Variants in IPO9 observed in about 807,000 individuals in gnomAD.
IPO9 encodes the protein importin-9.
A neutral mutation model predicts 128.6 loss-of-function variants in IPO9; 28 were observed. The observed-to-expected ratio is 0.22, with a 90% CI of 0.16 to 0.30. The LOEUF is 0.30. Ranked by LOEUF, IPO9 falls within the 10% of genes least tolerant of loss-of-function variation. The pLI, the probability that IPO9 is intolerant of heterozygous loss-of-function variation, is 1.00. For missense variants in IPO9, 935 were observed against 1,293.9 expected (o/e 0.72, Z 4.26); for synonymous variants, 455 against 475.8 (o/e 0.96, Z 0.57).
chr1:201,866,477 CA>C (rs5780091), intron 14 of IPO9, among the ~76,000 whole-genome samples: 4 of 142,582 alleles, frequency 2.8e-5, no homozygotes, highest in South Asian at 2.2e-4. Context: ...TTTCAGGATG[CA>C]AAAAAAAAAA....
At chr1:201,858,726 G>T in intron 12 of IPO9, 129 bp from the exon 13 acceptor site, 1 of 956,914 alleles carries the variant, frequency 1.0e-6, no homozygotes, top group Non-Finnish European at 1.5e-6. Context: ...TAGAATGGAA[G>T]GGCTTAAGGT....
chr1:201,862,698 G>C (rs1163624109), intron 13 of IPO9, among the ~76,000 whole-genome samples: 4 of 150,812 alleles, frequency 2.7e-5, no homozygotes, highest in African/African-American at 4.9e-5. Flanking sequence ...CCCAGCTACT[G>C]GGGAGGCTGA....
rs1161071804 is a variant in IPO9 at position 201,882,447 on chromosome 1, C to CAAAAAAAAAAAAAAAAAAAAAAAA, written c.*6404_*6405insAAAAAAAAAAAAAAAAAAAAAAAA. The CAAAAAAAAAAAAAAAAAAAAAAAA allele has an allele frequency of 2.1e-5, 1 of 47,700 alleles. No homozygotes were observed. The allele number at this position is 47,700 out of a possible 1,614,324, so 3.0% of individuals were successfully genotyped here. On this transcript the variant is annotated 3_prime_UTR_variant, in exon 24 of 24. Transcript: ENST00000361565. Reference sequence around the variant, plus strand: ...ACTCTGCCTCAAAAAAAAAAAAAAACAAAAAAAAAAACAAGTTTTGTGAAT... The same window carrying CAAAAAAAAAAAAAAAAAAAAAAAA: ...ACTCTGCCTCAAAAAAAAAAAAAAACAAAAAAAAAAAAAAAAAAAAAAAAAAAAAAAAAAACAAGTTTTGTGAAT...
In IPO9 at chr1:201,881,415, GTT is replaced by G; in HGVS notation, c.*5364_*5365del. 6.6e-6 allele frequency: 1 copy of G among 152,180 alleles called. No homozygotes were observed. The highest frequency in any genetic ancestry group is 1.9e-4 in the East Asian group (1 of 5,198). The allele number at this position is 152,180 out of a possible 1,614,324, so 9.4% of individuals were successfully genotyped here. On this transcript the variant is annotated 3_prime_UTR_variant, in exon 24 of 24. Coordinates refer to ENST00000361565, the MANE Select transcript of IPO9 (RefSeq NM_018085.5). ...AGCAGCTTGTACTTGTTGCCTATTT[GTT>G]TTGCCTTTCCTGTGCATTTGCCAGG...
At chr1:201,860,821 A>G (rs941346959) in intron 13 of IPO9, among the ~76,000 whole-genome samples, 1 of 152,246 alleles carries the variant, frequency 6.6e-6, no homozygotes. Flanking sequence ...TGTCAGAGCC[A>G]TGATATCACA....
At chr1:201,855,207 A>G (rs1295693019) in intron 9 of IPO9, 25 bp downstream of exon 9, 1 of 1,458,332 alleles carries the variant, frequency 6.9e-7, no homozygotes, top group South Asian at 1.2e-5. Context: ...TGATCTTTAT[A>G]GAAATACCAG....
chr1:201,875,334 A>G (rs1052127607), intron 23 of IPO9, 106 bp downstream of exon 23: 1 of 1,008,940 alleles, frequency 9.9e-7, no homozygotes, highest in Non-Finnish European at 1.6e-6. Flanking sequence ...TCATGCCTGT[A>G]ATCCCAACAC....
chr1:201,856,752 A>G (rs1463781764), intron 10 of IPO9, among the ~76,000 whole-genome samples: 1 of 152,124 alleles, frequency 6.6e-6, no homozygotes, highest in Non-Finnish European at 1.5e-5. Flanking sequence ...AGTGGTGTAG[A>G]CAAAGCTCAC....
At chr1:201,860,982 A>G (rs1362674196) in intron 13 of IPO9, among the ~76,000 whole-genome samples, 1 of 152,118 alleles carries the variant, frequency 6.6e-6, no homozygotes, top group African/African-American at 2.4e-5. Context: ...CCTGGCTAAC[A>G]TGGCCTAACC....
chr1:201,846,935 C>T (rs1680134136), intron 1 of IPO9, among the ~76,000 whole-genome samples: 1 of 152,202 alleles, frequency 6.6e-6, no homozygotes, highest in African/African-American at 2.4e-5. Context: ...TCCCAAAGTG[C>T]TGGGATTACA....
rs1227006846 is a variant in IPO9, at chr1:201,866,863, C to T, written c.1759C>T (p.Leu587=). The T allele has an allele frequency of 5.6e-6, 9 of 1,614,164 alleles. No homozygotes were observed. Among genetic ancestry groups the T allele is most frequent in the Non-Finnish European group, 7.6e-6 (9 of 1,180,034 alleles). The change falls in exon 15 of 24, where the codon CTG becomes TTG. Residue 587 remains leucine, a synonymous_variant. Coordinates refer to ENST00000361565, the MANE Select transcript of IPO9 (RefSeq NM_018085.5). The part of the protein sequence containing the change: ...SEVLNLVMET[L]CIVCTVDPEF... ...GGTCCTCAACCTGGTGATGGAGACC[C>T]TGTGCATCGTTTGTACAGTAGACCC...
intron 14 of IPO9, among the ~76,000 whole-genome samples, chr1:201,866,281 G>A (rs4950796): frequency 0.3 from 45,148 of 151,912 alleles, 7,342 homozygotes; most frequent in East Asian, 0.41. Context: ...GTGAGCCACC[G>A]TGCCTGGTCC....
chr1:201,865,657 CAA>C (rs543424427), intron 14 of IPO9, among the ~76,000 whole-genome samples: 2 of 152,108 alleles, frequency 1.3e-5, no homozygotes, highest in African/African-American at 2.4e-5. Flanking sequence ...ATCTCTGAAA[CAA>C]GATACTGATT....
At chr1:201,848,272 TTTTCTG>T (rs1479531538) in intron 3 of IPO9, 115 bp from the exon 4 acceptor site, 1 of 787,176 alleles carries the variant, frequency 1.3e-6, no homozygotes, top group African/African-American at 1.7e-5. Flanking sequence ...TGTATAGGAG[TTTTCTG>T]TAGACATGCA....
chr1:201,847,809 G>T (rs1358474818), intron 3 of IPO9, among the ~76,000 whole-genome samples, 171 bp downstream of exon 3: 2 of 152,178 alleles, frequency 1.3e-5, no homozygotes, highest in African/African-American at 4.8e-5. Context: ...CAAGTATCAG[G>T]CTGGTCTGTG....
intron 11 of IPO9, among the ~76,000 whole-genome samples, chr1:201,857,921 C>T (rs1169245380): frequency 6.6e-6 from 1 of 152,130 alleles, no homozygotes; most frequent in Non-Finnish European, 1.5e-5. Flanking sequence ...CAAATACCTG[C>T]TCATGTTTTC....
chr1:201,857,793 C>T (rs1680361203), intron 11 of IPO9, among the ~76,000 whole-genome samples: 2 of 105,998 alleles, frequency 1.9e-5, no homozygotes, highest in African/African-American at 3.5e-5. Context: ...GAAACTTGGT[C>T]TCAAAAAAAA....
At chr1:201,857,004 C>G (rs991734856) in intron 10 of IPO9, 92 bp from the exon 11 acceptor site, 11 of 870,448 alleles carry the variant, frequency 1.3e-5, no homozygotes, top group Non-Finnish European at 2.1e-5. Flanking sequence ...AGAGTTTTTT[C>G]AGGATAATAG....
intron 23 of IPO9, among the ~76,000 whole-genome samples, chr1:201,875,494 G>A (rs1358487646): frequency 1.3e-5 from 2 of 152,036 alleles, no homozygotes; most frequent in Non-Finnish European, 2.9e-5. Flanking sequence ...GGAGGCTGAG[G>A]TGGGAGGATC....
Sources: allele counts gnomAD v4.1 joint callset (sites outside exome capture counted in the v4.1 genomes callset), GRCh38; gene constraint gnomAD v4.1.1; transcripts MANE v1.5; gene names NCBI Gene and HGNC (gene_info 2026-07-23, HGNC 2026-07-21).